Variants in HLCS observed in about 807,000 individuals in gnomAD.
HLCS encodes the protein biotin--protein ligase.
HLCS carries 53 observed loss-of-function variants against 75.0 expected under a neutral mutation model. The ratio of observed to expected loss-of-function variants is 0.71; its 90% confidence interval spans 0.57 to 0.89. The LOEUF (loss-of-function observed/expected upper bound fraction) is 0.89, where lower values mean the gene tolerates loss of function less well. Ranked by LOEUF, HLCS falls within the 40% of genes least tolerant of loss-of-function variation. The pLI, the probability that HLCS is intolerant of heterozygous loss-of-function variation, is 0.00. For missense variants in HLCS, 966 were observed against 1,074.0 expected, an observed-to-expected ratio of 0.90 and a Z score of 1.41; for synonymous variants, 431 against 428.6, an observed-to-expected ratio of 1.01 and a Z score of -0.07.
chr21:36,929,417 T>C (rs1310667603), intron 5 of HLCS, among the ~76,000 whole-genome samples: 1 of 152,218 alleles, frequency 6.6e-6, no homozygotes, highest in Non-Finnish European at 1.5e-5. Context: ...AGATAGCTCA[T>C]AGCTCTGCTC....
intron 6 of HLCS, among the ~76,000 whole-genome samples, chr21:36,814,082 C>A (rs17228878): frequency 0.028 from 4,256 of 152,188 alleles, 72 homozygotes; most frequent in South Asian, 0.046. Context: ...TCTTTGGAGG[C>A]TCAGAAAGAA....
chr21:36,804,556 C>T (rs2145932156), intron 6 of HLCS, among the ~76,000 whole-genome samples: 1 of 152,224 alleles, frequency 6.6e-6, no homozygotes, highest in East Asian at 1.9e-4. Context: ...TGAAGTTTCC[C>T]CAGGCAAACA....
chr21:36,898,526 G>A lies in HLCS; in HGVS notation c.1621-1395C>T, dbSNP rs59306981. Among the ~76,000 whole-genome samples the A allele has an allele frequency of 6.4e-3, 961 of 151,192 alleles. 7 individuals are homozygous for A. Among genetic ancestry groups the A allele is most frequent in the African/African-American group, 0.022 (914 of 41,062 alleles). The stretch of plus-strand genomic sequence containing the variant: ...GGATAAAACATTTTACAGAACAGCC[G>A]GGCTGGAATCTTCAACTAGTCAATG... On this transcript the variant is annotated intron_variant, in intron 5 of 10. Transcript: ENST00000674895.
chr21:36,910,297 C>T (rs2065643325), intron 5 of HLCS, among the ~76,000 whole-genome samples: 1 of 152,170 alleles, frequency 6.6e-6, no homozygotes, highest in African/African-American at 2.4e-5. Context: ...GTAATCCCGG[C>T]ACTTTGGGAG....
chr21:36,886,925 G>A (rs1277593825), intron 6 of HLCS, among the ~76,000 whole-genome samples: 2 of 152,036 alleles, frequency 1.3e-5, no homozygotes, highest in Non-Finnish European at 2.9e-5. Context: ...TCAGGGGTTC[G>A]AGACCAGACT....
At chr21:36,802,825 T>C (rs914971079) in intron 6 of HLCS, among the ~76,000 whole-genome samples, 2 of 152,224 alleles carry the variant, frequency 1.3e-5, no homozygotes, top group African/African-American at 4.8e-5. Flanking sequence ...CGGAACAGCC[T>C]GAGAGCAGGC....
intron 1 of HLCS, among the ~76,000 whole-genome samples, chr21:36,986,069 G>A (rs2069223122): frequency 6.6e-6 from 1 of 152,160 alleles, no homozygotes; most frequent in African/African-American, 2.4e-5. Context: ...AATCCCCAGT[G>A]CAACAGTGTT....
At chr21:36,802,035 C>T (rs1335576915) in intron 6 of HLCS, among the ~76,000 whole-genome samples, 10 of 152,128 alleles carry the variant, frequency 6.6e-5, no homozygotes, top group Non-Finnish European at 1.5e-5. Flanking sequence ...TACAAGAATA[C>T]AACTATTTTA....
chr21:36,797,134 T>C (rs930141203), intron 6 of HLCS, among the ~76,000 whole-genome samples: 6 of 152,150 alleles, frequency 3.9e-5, no homozygotes, highest in Non-Finnish European at 7.4e-5. Flanking sequence ...CTCAAAGTGC[T>C]GGGATTACAG....
chr21:36,906,311 T>A (rs1465393507), intron 5 of HLCS, among the ~76,000 whole-genome samples: 3 of 152,124 alleles, frequency 2.0e-5, no homozygotes, highest in Non-Finnish European at 4.4e-5. Flanking sequence ...GAGGATCACT[T>A]GAGCCCAGGA....
rs552163792 is a variant in HLCS, at chr21:36,754,547, A to C, written c.2451-130T>G. ...GAGGGCTGAGGCTCGCTGCAGGGAA[A>C]AGGCAGCCTGGGCTGAGCTCTGACT... On this transcript the variant is annotated intron_variant, in intron 10 of 10. Transcript: ENST00000674895. The C allele has an allele frequency of 1.2e-5, 11 of 925,832 alleles. No homozygotes were observed. In the East Asian group the frequency reaches 2.1e-4, roughly 18 times the overall value. 57.4% of individuals were successfully genotyped at this position (925,832 alleles called of 1,614,324 possible).
At chr21:36,934,279 T>C (rs1010593201) in intron 4 of HLCS, among the ~76,000 whole-genome samples, 1 of 151,972 alleles carries the variant, frequency 6.6e-6, no homozygotes, top group Admixed American at 6.6e-5. Flanking sequence ...GTGGAGAGGG[T>C]GATACTGGCA....
At chr21:36,789,039 C>A (rs1403409679) in intron 6 of HLCS, among the ~76,000 whole-genome samples, 1 of 151,992 alleles carries the variant, frequency 6.6e-6, no homozygotes, top group Non-Finnish European at 1.5e-5. Flanking sequence ...TTTTTTTGCT[C>A]TACTTCTTTT....
intron 5 of HLCS, among the ~76,000 whole-genome samples, chr21:36,928,188 A>G (rs930081446): frequency 2.0e-5 from 3 of 152,198 alleles, no homozygotes; most frequent in Non-Finnish European, 4.4e-5. Context: ...ATAATCCTTT[A>G]GAGAACTTGT....
intron 6 of HLCS, among the ~76,000 whole-genome samples, chr21:36,787,158 C>T (rs76718449): frequency 7.2e-5 from 11 of 152,370 alleles, no homozygotes; most frequent in Admixed American, 1.3e-4. Flanking sequence ...CCAGGCCACG[C>T]GTGAGCATGG....
upstream of HLCS, among the ~76,000 whole-genome samples, chr21:36,968,375 AG>A (rs2068695066): frequency 6.6e-6 from 1 of 152,152 alleles, no homozygotes; most frequent in Non-Finnish European, 1.5e-5. Context: ...CCAGAACTTC[AG>A]ACTTTTGGTT....
intron 6 of HLCS, among the ~76,000 whole-genome samples, chr21:36,780,515 G>A (rs1344677438): frequency 6.6e-6 from 1 of 152,110 alleles, no homozygotes; most frequent in Non-Finnish European, 1.5e-5. Context: ...ACCGCACCCG[G>A]CTCCTCATTT....
intron 7 of HLCS, among the ~76,000 whole-genome samples, chr21:36,766,821 G>C (rs1209993007): frequency 1.3e-5 from 2 of 152,150 alleles, no homozygotes; most frequent in African/African-American, 4.8e-5. Flanking sequence ...GCTGGGGTGA[G>C]AACTGGCATG....
chr21:36,956,618 T>C (rs1434072404), intron 2 of HLCS, among the ~76,000 whole-genome samples: 2 of 151,922 alleles, frequency 1.3e-5, no homozygotes, highest in African/African-American at 4.8e-5. Flanking sequence ...TAGTCCCAGC[T>C]ACTCGGGAGG....
Sources: allele counts gnomAD v4.1 joint callset (sites outside exome capture counted in the v4.1 genomes callset), GRCh38; gene constraint gnomAD v4.1.1; transcripts MANE v1.5; gene names NCBI Gene and HGNC (gene_info 2026-07-23, HGNC 2026-07-21).